Variants in UPK1B observed in about 807,000 individuals in gnomAD.
The protein encoded by UPK1B is uroplakin-1b.
UPK1B carries 28 observed loss-of-function variants against 34.2 expected under a neutral mutation model. The observed-to-expected ratio is 0.82, with a 90% confidence interval of 0.61 to 1.12. UPK1B has a LOEUF of 1.12. UPK1B is among the 50% of genes most tolerant of loss of function. The probability of loss-of-function intolerance (pLI) is 0.00; values close to 1 mark genes in which losing one functional copy is unlikely to be tolerated. For missense variants in UPK1B, 325 were observed against 320.9 expected (o/e 1.01, Z -0.10); for synonymous variants, 81 against 110.4 (o/e 0.73, Z 1.67).
rs1366757799 is a variant in UPK1B at position 119,191,012 on chromosome 3, C to T, written c.376C>T (p.Leu126=). ...ACCCAACCTCTTCCTGAAGCAGATG[C>T]TAGAGAGGTACCAAAACAACAGCCC... The part of the protein sequence containing the change: ...FTPNLFLKQM[L]ERYQNNSPPN... Residue 126 remains leucine, a synonymous_variant, in exon 5 of 8, where the codon CTA becomes TTA. Transcript: ENST00000264234. 3 of 1,613,888 alleles carry T rather than the reference C, an allele frequency of 1.9e-6. No homozygotes were observed. Among genetic ancestry groups the T allele is most frequent in the African/African-American group, 2.7e-5 (2 of 74,882 alleles).
intron 5 of UPK1B, 149 bp from the exon 6 acceptor site, chr3:119,194,070 T>C (rs2078055128): frequency 2.7e-6 from 2 of 743,712 alleles, no homozygotes; most frequent in Non-Finnish European, 4.1e-6. Context: ...AAGTTATCAA[T>C]ACCTTCAGCT....
At chr3:119,185,164 C>A (rs2078012175) in intron 1 of UPK1B, among the ~76,000 whole-genome samples, 1 of 152,198 alleles carries the variant, frequency 6.6e-6, no homozygotes, top group Non-Finnish European at 1.5e-5. Context: ...GAATTGAGTA[C>A]CCACTGTGTG....
At chr3:119,182,311 G>A (rs2077993207) in intron 1 of UPK1B, among the ~76,000 whole-genome samples, 1 of 152,168 alleles carries the variant, frequency 6.6e-6, no homozygotes, top group Admixed American at 6.5e-5. Context: ...AGAGCCCTTG[G>A]CTGTGAGACC....
In UPK1B at chr3:119,179,505, G is replaced by GTTTTTTTTT. The variant is rs1293357139; in HGVS notation, c.-29+5868_-29+5869insTTTTTTTTT. Among the ~76,000 whole-genome samples the GTTTTTTTTT allele has an allele frequency of 3.1e-4, 14 of 45,238 alleles. 1 individual carries two copies. Among genetic ancestry groups the GTTTTTTTTT allele is most frequent in the South Asian group, 1.1e-3 (2 of 1,822 alleles). The allele number at this position is 45,238 out of a possible 152,430, so 29.7% of individuals were successfully genotyped here. On this transcript the variant is annotated intron_variant, in intron 1 of 7. Transcript: ENST00000264234. The stretch of plus-strand genomic sequence containing the variant: ...AATTTGGGGAAGAGTTGATGTTGCA[G>GTTTTTTTTT]TCTTTTTTTTTTTTTTTTTTTTGAG...
At chr3:119,198,511 C>T (rs1198736656) in intron 6 of UPK1B, among the ~76,000 whole-genome samples, 2 of 152,134 alleles carry the variant, frequency 1.3e-5, no homozygotes, top group Non-Finnish European at 2.9e-5. Context: ...TCACTGTGAC[C>T]CTTCAAGGTC....
At chr3:119,187,251 G>T (rs779303888) in intron 2 of UPK1B, among the ~76,000 whole-genome samples, 8 of 151,602 alleles carry the variant, frequency 5.3e-5, no homozygotes, top group Admixed American at 6.6e-5. Context: ...TGGGTCTGGT[G>T]GCATAGAAGA....
intron 3 of UPK1B, among the ~76,000 whole-genome samples, chr3:119,189,542 C>T (rs1278290277): frequency 1.3e-5 from 2 of 152,266 alleles, no homozygotes; most frequent in Non-Finnish European, 2.9e-5. Flanking sequence ...CATGTGCACA[C>T]GCACCCATGT....
chr3:119,192,534 G>A (rs766902257), intron 5 of UPK1B, among the ~76,000 whole-genome samples: 11 of 152,062 alleles, frequency 7.2e-5, no homozygotes, highest in Non-Finnish European at 1.6e-4. Context: ...TATTTCACAT[G>A]TTCTTCCTTC....
At chr3:119,179,352 GAT>G (rs60685268) in intron 1 of UPK1B, among the ~76,000 whole-genome samples, 282 of 46,810 alleles carry the variant, frequency 6.0e-3, no homozygotes, top group Admixed American at 8.6e-3. Context: ...GAGAGAGGGA[GAT>G]ATATATATAT....
chr3:119,186,727 T>C lies in UPK1B; in HGVS notation c.-15T>C. ...TGCTTTCAACAGTGCCTTCAGCTTG[T>C]GGGAAATCCCGAAGATGGCCAAAGA... On this transcript the variant is annotated 5_prime_UTR_variant, in exon 2 of 8. Coordinates refer to ENST00000264234, the MANE Select transcript of UPK1B (RefSeq NM_006952.4). 1 of 1,613,950 alleles carries C rather than the reference T, an allele frequency of 6.2e-7. No individual in the cohort carries two copies. The highest frequency in any genetic ancestry group is 8.5e-7 in the Non-Finnish European group (1 of 1,179,960).
intron 7 of UPK1B, among the ~76,000 whole-genome samples, chr3:119,201,841 T>C (rs916326849): frequency 1.3e-5 from 2 of 152,208 alleles, no homozygotes; most frequent in East Asian, 1.9e-4. Context: ...CTGTTCTTTG[T>C]ACCCCCAGTG....
chr3:119,191,173 T>A lies in UPK1B; in HGVS notation c.468+69T>A, dbSNP rs2078042494. On this transcript the variant is annotated intron_variant, in intron 5 of 7. Coordinates refer to ENST00000264234, the MANE Select transcript of UPK1B (RefSeq NM_006952.4). ...TGGGAGTGGGTGTCATACACATGACTCAGTGGGACCCTATATTTTATTTCA... is the reference window on the plus strand; with the variant it reads ...TGGGAGTGGGTGTCATACACATGACACAGTGGGACCCTATATTTTATTTCA... The A allele has an allele frequency of 2.9e-5, 44 of 1,529,110 alleles. No individual in the cohort carries two copies. In the East Asian group the frequency reaches 9.9e-4, roughly 35 times the overall value. The allele number at this position is 1,529,110 out of a possible 1,614,324, so 94.7% of individuals were successfully genotyped here. A position where few individuals can be genotyped will look rare whatever the true frequency, so the allele number is the denominator to read the frequency against.
At chr3:119,197,714 T>C (rs187639876) in intron 6 of UPK1B, among the ~76,000 whole-genome samples, 24 of 152,264 alleles carry the variant, frequency 1.6e-4, no homozygotes, top group South Asian at 2.1e-4. Context: ...CATTCTAGCA[T>C]GGGAGACAGA....
chr3:119,184,610 C>T (rs2078008576), intron 1 of UPK1B, among the ~76,000 whole-genome samples: 1 of 151,406 alleles, frequency 6.6e-6, no homozygotes, highest in South Asian at 2.1e-4. Context: ...CCTGTAGTCC[C>T]AGCTACTAGG....
At chr3:119,197,212 A>T (rs2078071369) in intron 6 of UPK1B, among the ~76,000 whole-genome samples, 1 of 152,168 alleles carries the variant, frequency 6.6e-6, no homozygotes, top group Non-Finnish European at 1.5e-5. Flanking sequence ...AAATATATAT[A>T]TATTCTATGT....
intron 2 of UPK1B, 64 bp downstream of exon 2, chr3:119,186,874 AAAGT>A: frequency 1.3e-6 from 2 of 1,552,200 alleles, no homozygotes; most frequent in Non-Finnish European, 1.8e-6. Context: ...AGATGAATCA[AAAGT>A]AAGAGTTTAA....
chr3:119,175,772 C>T (rs1358317641), intron 1 of UPK1B, among the ~76,000 whole-genome samples: 1 of 152,210 alleles, frequency 6.6e-6, no homozygotes, highest in Non-Finnish European at 1.5e-5. Context: ...ATAATAGACA[C>T]TAACCACATG....
chr3:119,178,117 C>T (rs1360183962), intron 1 of UPK1B, among the ~76,000 whole-genome samples: 1 of 152,200 alleles, frequency 6.6e-6, no homozygotes, highest in Non-Finnish European at 1.5e-5. Context: ...TGAAAAATGG[C>T]AGGCAGGCCA....
chr3:119,188,762 T>C (rs139081672), intron 3 of UPK1B, among the ~76,000 whole-genome samples: 2 of 152,332 alleles, frequency 1.3e-5, no homozygotes, highest in African/African-American at 4.8e-5. Context: ...CACACTATTA[T>C]GGAACACGCC....
Sources: gnomAD v4.1 joint callset for allele counts (sites outside exome capture counted in the v4.1 genomes callset) on GRCh38, gnomAD v4.1.1 for gene constraint, MANE v1.5 for transcripts, NCBI Gene and HGNC (gene_info 2026-07-23, HGNC 2026-07-21) for gene names.